ZDHHC11B: variants seen among roughly 807,000 people sequenced by gnomAD.
ZDHHC11B encodes zDHHC palmitoyltransferase 11B (putative), also known as probable palmitoyltransferase ZDHHC11B.
A neutral mutation model predicts 42.3 loss-of-function variants in ZDHHC11B; 17 were observed. That is an observed-to-expected ratio of 0.40 (90% CI 0.27 to 0.60). ZDHHC11B has a LOEUF of 0.60. Among genes scored for constraint, ZDHHC11B ranks in the 20% least tolerant of loss-of-function variants. The probability of loss-of-function intolerance (pLI) is 0.41; values close to 1 mark genes in which losing one functional copy is unlikely to be tolerated. For synonymous variants in ZDHHC11B, 123 were observed against 193.5 expected (o/e 0.64, Z 3.02); for missense variants, 262 against 463.2 (o/e 0.57, Z 3.99).
chr5:761,800 C>G (rs549223816), intron 4 of ZDHHC11B, among the ~76,000 whole-genome samples: 12 of 151,900 alleles, frequency 7.9e-5, no homozygotes, highest in Admixed American at 4.6e-4. Context: ...GGGAAGGCCA[C>G]GGAGCAGACA....
chr5:754,196 C>T (rs75984181), intron 6 of ZDHHC11B, among the ~76,000 whole-genome samples: 9,396 of 59,172 alleles, frequency 0.16, 13 homozygotes, highest in East Asian at 0.35. Flanking sequence ...CGTCTATGAG[C>T]CTCCACCATG....
At chr5:746,434 G>C (rs1744831880) in intron 8 of ZDHHC11B, among the ~76,000 whole-genome samples, 1 of 133,822 alleles carries the variant, frequency 7.5e-6, no homozygotes, top group African/African-American at 2.5e-5. Context: ...GTGGGGACAG[G>C]CCTGGGCGTC....
At chr5:717,532 T>C (rs1741846109) in intron 12 of ZDHHC11B, among the ~76,000 whole-genome samples, 1 of 151,740 alleles carries the variant, frequency 6.6e-6, no homozygotes, top group Non-Finnish European at 1.5e-5. Flanking sequence ...AGCAAAAAAG[T>C]CACTAGGGAC....
chr5:760,301 G>C (rs928923039), intron 4 of ZDHHC11B, among the ~76,000 whole-genome samples: 1 of 151,816 alleles, frequency 6.6e-6, no homozygotes, highest in African/African-American at 2.4e-5. Context: ...AGATAATCCT[G>C]TCAGGGCAAG....
intron 11 of ZDHHC11B, among the ~76,000 whole-genome samples, chr5:731,080 A>G (rs1287168716): frequency 1.3e-5 from 2 of 151,828 alleles, no homozygotes; most frequent in African/African-American, 4.8e-5. Context: ...GCTCTTGGTT[A>G]AGAACCTGGG....
chr5:743,570 C>T (rs1220623500), intron 9 of ZDHHC11B, among the ~76,000 whole-genome samples: 1 of 149,274 alleles, frequency 6.7e-6, no homozygotes, highest in Non-Finnish European at 1.5e-5. Context: ...CTTAATAGAG[C>T]GTCTCTGACT....
At chr5:779,123 C>T (rs868366755) in intron 1 of ZDHHC11B, among the ~76,000 whole-genome samples, 4,507 of 141,882 alleles carry the variant, frequency 0.032, 182 homozygotes, top group African/African-American at 0.098. Flanking sequence ...GCAACACACA[C>T]AGACTAACAC....
intron 7 of ZDHHC11B, among the ~76,000 whole-genome samples, chr5:750,540 A>G (rs1305905933): frequency 2.3e-5 from 3 of 130,350 alleles, no homozygotes; most frequent in African/African-American, 7.6e-5. Context: ...TCACAGCCGC[A>G]GGCCCATTTC....
intron 11 of ZDHHC11B, chr5:732,754 G>A: frequency 2.6e-6 from 1 of 378,702 alleles, no homozygotes; most frequent in South Asian, 2.0e-5. Context: ...CTGTGGCCTG[G>A]CATGGAGGCT....
At chr5:778,087 C>G (rs1156823482) in intron 1 of ZDHHC11B, among the ~76,000 whole-genome samples, 1 of 151,958 alleles carries the variant, frequency 6.6e-6, no homozygotes, top group African/African-American at 2.4e-5. Flanking sequence ...GGCTCCCAGA[C>G]TCTGCAAAGG....
intron 4 of ZDHHC11B, among the ~76,000 whole-genome samples, chr5:765,490 T>G (rs1352107805): frequency 1.3e-5 from 2 of 151,846 alleles, no homozygotes; most frequent in Non-Finnish European, 2.9e-5. Flanking sequence ...ACCAATCAGC[T>G]CTCTGTAAAA....
chr5:762,480 T>C (rs1218227385), intron 4 of ZDHHC11B, among the ~76,000 whole-genome samples: 1 of 151,770 alleles, frequency 6.6e-6, no homozygotes, highest in Non-Finnish European at 1.5e-5. Flanking sequence ...GACTTGTAGA[T>C]AGGGTGTGGC....
intron 12 of ZDHHC11B, among the ~76,000 whole-genome samples, chr5:720,971 T>C (rs1228017632): frequency 1.3e-5 from 2 of 151,604 alleles, no homozygotes; most frequent in African/African-American, 2.4e-5. Context: ...ATTAGCCAAG[T>C]GTGGTGATGT....
chr5:765,548 T>G (rs1735162246), intron 4 of ZDHHC11B, among the ~76,000 whole-genome samples: 1 of 151,858 alleles, frequency 6.6e-6, no homozygotes, highest in African/African-American at 2.4e-5. Flanking sequence ...AGGATGTGGG[T>G]GGGGCCAGAT....
chr5:775,720 CG>C (rs2150241265), intron 1 of ZDHHC11B, among the ~76,000 whole-genome samples: 1 of 151,930 alleles, frequency 6.6e-6, no homozygotes, highest in Admixed American at 6.6e-5. Context: ...AGGAGTCCAA[CG>C]TGCTGTGACT....
intron 1 of ZDHHC11B, among the ~76,000 whole-genome samples, chr5:775,113 G>A (rs1464718546): frequency 1.3e-5 from 2 of 151,948 alleles, no homozygotes; most frequent in Non-Finnish European, 2.9e-5. Flanking sequence ...CCAGCCCTCG[G>A]CCCTGCTCAG....
At chr5:729,376 T>C (rs1282254229) in intron 12 of ZDHHC11B, among the ~76,000 whole-genome samples, 1 of 151,196 alleles carries the variant, frequency 6.6e-6, no homozygotes, top group African/African-American at 2.4e-5. Flanking sequence ...AGCTGCTGTG[T>C]GCCCAGAGAG....
intron 4 of ZDHHC11B, among the ~76,000 whole-genome samples, chr5:757,350 CGT>C (rs1235390411): frequency 9.2e-5 from 14 of 152,042 alleles, no homozygotes; most frequent in South Asian, 2.1e-4. Context: ...CAAAAAGCCA[CGT>C]AGGGATTTTA....
At chr5:713,265 G>C (rs1386608964) in intron 13 of ZDHHC11B, among the ~76,000 whole-genome samples, 1 of 151,568 alleles carries the variant, frequency 6.6e-6, no homozygotes, top group African/African-American at 2.4e-5. Flanking sequence ...TGTCTATTTT[G>C]TTGTTAAATC....
Sources: allele counts gnomAD v4.1 joint callset (sites outside exome capture counted in the v4.1 genomes callset), GRCh38; gene constraint gnomAD v4.1.1; transcripts MANE v1.5; gene names NCBI Gene and HGNC (gene_info 2026-07-23, HGNC 2026-07-21).